The following KAZN variants were observed in gnomAD, a reference collection of about 807,000 sequenced individuals.
The protein encoded by KAZN is kazrin.
In KAZN, 40 loss-of-function variants were observed where a neutral mutation model predicts 87.4. The observed-to-expected ratio is 0.46, with a 90% confidence interval of 0.36 to 0.60. KAZN has a LOEUF of 0.60. KAZN is among the 20% of genes least tolerant of loss of function. The pLI is 0.00. For missense variants in KAZN, 898 were observed against 1,073.9 expected, an observed-to-expected ratio of 0.84 and a Z score of 2.29; for synonymous variants, 466 against 458.3, an observed-to-expected ratio of 1.02 and a Z score of -0.22.
intron 2 of KAZN, among the ~76,000 whole-genome samples, chr1:14,221,597 G>T (rs893770588): frequency 6.6e-6 from 1 of 151,996 alleles, no homozygotes; most frequent in African/African-American, 2.4e-5. Flanking sequence ...TTATTTTCTG[G>T]CTTATTATAA....
chr1:14,370,346 T>C (rs1041208643), intron 2 of KAZN, among the ~76,000 whole-genome samples: 56 of 152,158 alleles, frequency 3.7e-4, no homozygotes, highest in African/African-American at 1.3e-3. Flanking sequence ...GCTGCCAAGC[T>C]GTTGTTCAGT....
chr1:15,057,840 G>A (rs541522845), intron 5 of KAZN, among the ~76,000 whole-genome samples: 1 of 152,334 alleles, frequency 6.6e-6, no homozygotes, highest in South Asian at 2.1e-4. Flanking sequence ...GGCTTGGGCA[G>A]TTTCTGAATC....
At chr1:14,829,639 G>A (rs1457718372) in intron 1 of KAZN, among the ~76,000 whole-genome samples, 1 of 152,214 alleles carries the variant, frequency 6.6e-6, no homozygotes, top group African/African-American at 2.4e-5. Flanking sequence ...TATTGGGGTA[G>A]GGAGGTGGAT....
intron 1 of KAZN, among the ~76,000 whole-genome samples, chr1:14,079,517 T>C (rs1435746093): frequency 1.3e-5 from 2 of 152,202 alleles, no homozygotes; most frequent in African/African-American, 4.8e-5. Flanking sequence ...CGTGTAGGAA[T>C]GCTACGTGTT....
chr1:14,500,856 G>A (rs995267149), intron 2 of KAZN, among the ~76,000 whole-genome samples: 161 of 152,076 alleles, frequency 1.1e-3, no homozygotes, highest in African/African-American at 3.8e-3. Flanking sequence ...GATGAAATGG[G>A]AAAATTCCTG....
intron 1 of KAZN, among the ~76,000 whole-genome samples, chr1:14,790,550 G>A (rs529884132): frequency 2.6e-5 from 4 of 152,242 alleles, no homozygotes; most frequent in African/African-American, 9.6e-5. Flanking sequence ...AATGTTTACA[G>A]CACCCTAAAA....
At chr1:14,694,728 C>A (rs184385562) in intron 1 of KAZN, among the ~76,000 whole-genome samples, 1 of 152,288 alleles carries the variant, frequency 6.6e-6, no homozygotes, top group East Asian at 1.9e-4. Flanking sequence ...CCTCCATGAG[C>A]CTCAGTTTTC....
intron 1 of KAZN, among the ~76,000 whole-genome samples, chr1:14,149,277 ATT>A (rs3033858): frequency 7.0e-6 from 1 of 141,984 alleles, no homozygotes; most frequent in Non-Finnish European, 1.5e-5. Context: ...AATTTTTTGT[ATT>A]TTTTTTTTTG....
chr1:14,334,922 AAGACACAGAAAT>A (rs141517974), intron 2 of KAZN, among the ~76,000 whole-genome samples: 4,588 of 152,246 alleles, frequency 0.03, 247 homozygotes, highest in African/African-American at 0.1. Context: ...AATAGAGAGG[AAGACACAGAAAT>A]AGACACAGAG....
chr1:13,903,430 G>A (rs1234730588), intron 1 of KAZN, among the ~76,000 whole-genome samples: 7 of 152,164 alleles, frequency 4.6e-5, no homozygotes, highest in Non-Finnish European at 1.0e-4. Context: ...ACCTTTTGTT[G>A]TCATCTACAG....
chr1:14,761,093 A>G (rs1644726883), intron 1 of KAZN, among the ~76,000 whole-genome samples: 1 of 152,090 alleles, frequency 6.6e-6, no homozygotes, highest in Non-Finnish European at 1.5e-5. Flanking sequence ...CTCACCAGCC[A>G]CCAGTCTCAT....
intron 1 of KAZN, among the ~76,000 whole-genome samples, chr1:14,926,960 T>C (rs1464256705): frequency 6.6e-6 from 1 of 152,178 alleles, no homozygotes; most frequent in Non-Finnish European, 1.5e-5. Context: ...CTTGAATTGC[T>C]CAGGGAGAAT....
intron 1 of KAZN, among the ~76,000 whole-genome samples, chr1:14,952,442 TAA>T (rs983663537): frequency 2.0e-5 from 3 of 152,144 alleles, no homozygotes; most frequent in Non-Finnish European, 4.4e-5. Flanking sequence ...GGGAGGGCTA[TAA>T]AAATGAGTTT....
At chr1:14,372,555 C>T (rs983559509) in intron 2 of KAZN, among the ~76,000 whole-genome samples, 3 of 152,138 alleles carry the variant, frequency 2.0e-5, no homozygotes, top group African/African-American at 4.8e-5. Flanking sequence ...AAAATGTCCC[C>T]GTGCATTAGC....
chr1:14,737,285 G>C (rs1039991584), intron 1 of KAZN, among the ~76,000 whole-genome samples: 1 of 152,160 alleles, frequency 6.6e-6, no homozygotes, highest in Admixed American at 6.5e-5. Flanking sequence ...TGTGGTCAGA[G>C]AAGACCTGAG....
intron 1 of KAZN, among the ~76,000 whole-genome samples, chr1:13,955,487 T>C (rs1641511761): frequency 1.3e-5 from 2 of 152,130 alleles, no homozygotes; most frequent in Admixed American, 1.3e-4. Context: ...TTTGGGATTG[T>C]GATTTTTGGG....
At chr1:13,893,044 C>T (rs1011347200) in exon 1 of KAZN, 4 of 152,054 alleles carry the variant, frequency 2.6e-5, no homozygotes, top group African/African-American at 9.7e-5. Flanking sequence ...CGCGCTCTCC[C>T]TTTGGCAGCA....
chr1:14,699,367 G>T (rs1032826208), intron 1 of KAZN, among the ~76,000 whole-genome samples: 18 of 152,220 alleles, frequency 1.2e-4, no homozygotes, highest in Admixed American at 4.6e-4. Flanking sequence ...TTAACCAGAG[G>T]CTCAAAAGAA....
chr1:14,791,796 A>T (rs1447210275), intron 1 of KAZN, among the ~76,000 whole-genome samples: 1 of 152,214 alleles, frequency 6.6e-6, no homozygotes, highest in Non-Finnish European at 1.5e-5. Flanking sequence ...AGCAGGCACG[A>T]GCCACCAGCC....
Sources: gnomAD v4.1 joint callset for allele counts (sites outside exome capture counted in the v4.1 genomes callset) on GRCh38, gnomAD v4.1.1 for gene constraint, MANE v1.5 for transcripts, NCBI Gene and HGNC (gene_info 2026-07-23, HGNC 2026-07-21) for gene names.